The following IL1R2 variants were observed in gnomAD, a reference collection of about 807,000 sequenced individuals.
IL1R2 encodes the protein interleukin 1 receptor type 2, also known as interleukin-1 receptor type 2.
IL1R2 carries 46 observed loss-of-function variants against 39.5 expected under a neutral mutation model. That is an observed-to-expected ratio of 1.16 (90% CI 0.92 to 1.49). The LOEUF (loss-of-function observed/expected upper bound fraction) is 1.49, where lower values mean the gene tolerates loss of function less well. Among genes scored for constraint, IL1R2 ranks in the 40% most tolerant of loss-of-function variants. The pLI, the probability that IL1R2 is intolerant of heterozygous loss-of-function variation, is 0.00. For synonymous variants in IL1R2, 207 were observed against 189.6 expected, an observed-to-expected ratio of 1.09 and a Z score of -0.75; for missense variants, 537 against 502.0, an observed-to-expected ratio of 1.07 and a Z score of -0.67.
At chr2:102,012,663 A>T (rs192192101) in intron 3 of IL1R2, among the ~76,000 whole-genome samples, 1 of 152,346 alleles carries the variant, frequency 6.6e-6, no homozygotes, top group Admixed American at 6.5e-5. Flanking sequence ...GGACAGGTTT[A>T]ATCCTGTCAA....
chr2:102,019,802 A>G lies in IL1R2; in HGVS notation c.678A>G (p.Leu226=), dbSNP rs1377134645. The change falls in exon 5 of 9, where the codon CTA becomes CTG. Residue 226 remains leucine (L), a synonymous_variant. Coordinates refer to ENST00000332549, the MANE Select transcript of IL1R2 (RefSeq NM_004633.4). ...QQYNITRSIE[L]RIKKKKEETI... ...ACAACATCACTAGGAGTATTGAGCT[A>G]CGCATCAAGAGTAAGTACTTGCCAT... is the stretch of plus-strand genomic sequence containing the variant. 2 of 1,613,758 alleles carry G rather than the reference A, an allele frequency of 1.2e-6. No homozygotes were observed.
intron 4 of IL1R2, among the ~76,000 whole-genome samples, chr2:102,017,134 A>C (rs1677054843): frequency 6.6e-6 from 1 of 152,102 alleles, no homozygotes; most frequent in Non-Finnish European, 1.5e-5. Context: ...GTGGTGGCTC[A>C]CACCTATAAT....
chr2:101,996,544 C>G (rs1675601296), intron 1 of IL1R2, among the ~76,000 whole-genome samples: 1 of 139,030 alleles, frequency 7.2e-6, no homozygotes, highest in Non-Finnish European at 1.5e-5. Context: ...CTTGGACACC[C>G]TGGACACAGG....
intron 6 of IL1R2, 100 bp from the exon 7 acceptor site, chr2:102,024,433 G>T: frequency 1.3e-6 from 1 of 790,446 alleles, no homozygotes; most frequent in Non-Finnish European, 2.3e-6. Context: ...TGGGTGGTGA[G>T]GGGTGTTTGA....
At chr2:102,009,535 C>G (rs1371722054) in intron 2 of IL1R2, 27 bp from the exon 3 acceptor site, 1 of 1,607,136 alleles carries the variant, frequency 6.2e-7, no homozygotes, top group East Asian at 2.2e-5. Context: ...GGACCCAAAG[C>G]CTGACCATGG....
intron 1 of IL1R2, among the ~76,000 whole-genome samples, chr2:102,006,461 C>T (rs1300547116): frequency 6.6e-6 from 1 of 152,168 alleles, no homozygotes; most frequent in Non-Finnish European, 1.5e-5. Context: ...AGTCCTTGGA[C>T]TCAGGGTTCC....
At chr2:102,007,919 G>T (rs1444355221) in intron 1 of IL1R2, among the ~76,000 whole-genome samples, 7 of 152,136 alleles carry the variant, frequency 4.6e-5, no homozygotes, top group Admixed American at 3.3e-4. Context: ...AAAAGGAAAG[G>T]CAGCTTCTTG....
chr2:102,028,502 T>C lies in IL1R2; in HGVS notation c.*110T>C, dbSNP rs1468435544. ...CTTTGCCTCAGTTGTCTACCAAAGG[T>C]GCCACATTTATAGTGGCTTTGTAGT... is the stretch of plus-strand genomic sequence containing the variant. On this transcript the variant is annotated 3_prime_UTR_variant, in exon 9 of 9. Coordinates refer to ENST00000332549, the MANE Select transcript of IL1R2 (RefSeq NM_004633.4). 1.8e-5 allele frequency: 17 copies of C among 945,484 alleles called. No individual in the cohort carries two copies. Among genetic ancestry groups the C allele is most frequent in the Non-Finnish European group, 2.4e-5 (16 of 658,074 alleles). The allele number at this position is 945,484 out of a possible 1,614,324, so 58.6% of individuals were successfully genotyped here. A position where few individuals can be genotyped will look rare whatever the true frequency, so the allele number is the denominator to read the frequency against.
chr2:102,012,928 AC>A (rs1262553825), intron 3 of IL1R2, among the ~76,000 whole-genome samples: 1 of 152,140 alleles, frequency 6.6e-6, no homozygotes, highest in African/African-American at 2.4e-5. Flanking sequence ...TTATCACTTG[AC>A]TTTTATGGGT....
chr2:102,021,081 C>T (rs764896461), intron 5 of IL1R2, among the ~76,000 whole-genome samples: 29 of 152,142 alleles, frequency 1.9e-4, no homozygotes, highest in Non-Finnish European at 3.8e-4. Context: ...CAGCGCGTGA[C>T]TTGGAGGAGG....
chr2:102,013,539 AAAAAAAAAAAAAAG>A (rs1676773035), intron 3 of IL1R2, among the ~76,000 whole-genome samples: 3 of 143,606 alleles, frequency 2.1e-5, no homozygotes, highest in African/African-American at 7.9e-5. Flanking sequence ...AAAAAAAAAA[AAAAAAAAAAAAAAG>A]GAAAGAAAGA....
chr2:102,002,463 C>CTGTGTCTGTGTCTGTGTCTG (rs1559412539), intron 1 of IL1R2, among the ~76,000 whole-genome samples: 3 of 143,020 alleles, frequency 2.1e-5, no homozygotes, highest in African/African-American at 7.8e-5. Flanking sequence ...GTCTATGTCT[C>CTGTGTCTGTGTCTGTGTCTG]TGTCTGTGTC....
rs771727938 is a variant in IL1R2 at position 102,013,524 on chromosome 2, C to CAAAAAA, written c.333-2324_333-2319dup. Among the ~76,000 whole-genome samples the CAAAAAA allele has an allele frequency of 6.2e-3, 35 of 5,682 alleles. 1 individual carries two copies. The highest frequency in any genetic ancestry group is 0.016 in the Admixed American group (3 of 182). 3.7% of individuals were successfully genotyped at this position (5,682 alleles called of 152,430 possible). ...ATAAATGCCTTACTTTCTATCACTG[C>CAAAAAA]AAAAAAAAAAAAAAAAAAAAAAAAA... On this transcript the variant is annotated intron_variant, in intron 3 of 8. Coordinates refer to ENST00000332549, the MANE Select transcript of IL1R2 (RefSeq NM_004633.4).
intron 3 of IL1R2, among the ~76,000 whole-genome samples, chr2:102,010,619 A>G (rs1275918770): frequency 2.6e-5 from 4 of 151,118 alleles, no homozygotes; most frequent in African/African-American, 9.7e-5. Context: ...CGTTGTAAGG[A>G]TGAGGGAACC....
At chr2:102,008,842 AGAGACCC>A (rs1418245369) in intron 2 of IL1R2, among the ~76,000 whole-genome samples, 200 bp downstream of exon 2, 1 of 141,928 alleles carries the variant, frequency 7.0e-6, no homozygotes, top group East Asian at 2.1e-4. Context: ...GGCAACATAG[AGAGACCC>A]ACGTCTCTAC....
chr2:102,008,627 C>T lies in IL1R2; in HGVS notation c.52C>T (p.Pro18Ser). ...VMGVSAFTLQ[P>S]AAHTGAARSC... ...GGGAGTTTCTGCCTTCACCCTTCAG[C>T]CTGCGGCACACACAGGTTAGAAGTA... Residue 18 changes from proline (P) to serine (S), a missense_variant, in exon 2 of 9, where the codon CCT becomes TCT. Physicochemically the swap from Pro to Ser is moderately conservative, Grantham distance 74. Coordinates refer to ENST00000332549, the MANE Select transcript of IL1R2 (RefSeq NM_004633.4). 4 of 1,613,946 alleles carry T rather than the reference C, an allele frequency of 2.5e-6. No individual in the cohort carries two copies. The highest frequency in any genetic ancestry group is 3.4e-6 in the Non-Finnish European group (4 of 1,179,864).
chr2:102,001,347 G>T (rs1675848600), intron 1 of IL1R2, among the ~76,000 whole-genome samples: 2 of 152,178 alleles, frequency 1.3e-5, no homozygotes, highest in Admixed American at 1.3e-4. Flanking sequence ...CTGCCGATTT[G>T]CTCCTCTGAG....
intron 1 of IL1R2, among the ~76,000 whole-genome samples, chr2:101,993,425 AG>A (rs1455125841): frequency 6.6e-6 from 1 of 152,168 alleles, no homozygotes; most frequent in Non-Finnish European, 1.5e-5. Flanking sequence ...ACCCTCACAC[AG>A]GGGAAGAAGG....
chr2:102,011,620 TAGG>T (rs1352181964), intron 3 of IL1R2, among the ~76,000 whole-genome samples: 2 of 152,240 alleles, frequency 1.3e-5, no homozygotes, highest in Non-Finnish European at 2.9e-5. Context: ...TGTTGAGTTG[TAGG>T]AGTTCTTTAC....
Sources: gnomAD v4.1 joint callset for allele counts (sites outside exome capture counted in the v4.1 genomes callset) on GRCh38, gnomAD v4.1.1 for gene constraint, MANE v1.5 for transcripts, NCBI Gene and HGNC (gene_info 2026-07-23, HGNC 2026-07-21) for gene names.